Variants in PHKB observed in about 807,000 individuals in gnomAD.
The protein encoded by PHKB is phosphorylase b kinase regulatory subunit beta.
Under a neutral mutation model 152.1 loss-of-function variants are expected in PHKB, and 122 were observed. The ratio of observed to expected loss-of-function variants is 0.80; its 90% CI spans 0.69 to 0.93. PHKB has a LOEUF of 0.93. Among genes scored for constraint, PHKB ranks in the 40% least tolerant of loss-of-function variants. PHKB has a pLI of 0.00. For synonymous variants in PHKB, 436 were observed against 464.9 expected, an observed-to-expected ratio of 0.94 and a Z score of 0.80; for missense variants, 1,304 against 1,328.4, an observed-to-expected ratio of 0.98 and a Z score of 0.29.
intron 6 of PHKB, among the ~76,000 whole-genome samples, chr16:47,540,366 C>G (rs1447953948): frequency 1.3e-5 from 2 of 151,532 alleles, no homozygotes; most frequent in East Asian, 3.9e-4. Context: ...AGACCCTTAT[C>G]AGTAGTTCTG....
At chr16:47,489,467 G>A (rs866833818) in intron 1 of PHKB, among the ~76,000 whole-genome samples, 1 of 152,174 alleles carries the variant, frequency 6.6e-6, no homozygotes, top group South Asian at 2.1e-4. Context: ...TTTGCATAAA[G>A]TACAGCAAGA....
intron 30 of PHKB, 108 bp downstream of exon 30, chr16:47,698,696 C>T (rs1235541085): frequency 9.8e-7 from 1 of 1,025,278 alleles, no homozygotes; most frequent in Admixed American, 3.0e-5. Context: ...AACAGATTCA[C>T]AGGTGCAAAA....
chr16:47,693,576 A>G (rs1974100541), intron 28 of PHKB, 69 bp downstream of exon 28: 11 of 1,495,738 alleles, frequency 7.4e-6, no homozygotes, highest in South Asian at 2.3e-5. Flanking sequence ...TTCCTCTTGC[A>G]CTGCAAATAA....
At position 47,630,228 on chromosome 16, in the gene PHKB, T is replaced by C. The variant is rs543360325; in HGVS notation, c.1459-10807T>C. Among the ~76,000 whole-genome samples, 7 of 152,224 alleles carry C rather than the reference T, an allele frequency of 4.6e-5. No homozygotes were observed. The South Asian group carries it at 1.5e-3, about 32-fold the overall frequency. ...ATCAAAAAGCAGATAAGGCCTGTAA[T>C]CGTAGCACTTTGGGAGGCCGAGGTG... is the stretch of plus-strand genomic sequence containing the variant. On this transcript the variant is annotated intron_variant, in intron 14 of 30. Transcript: ENST00000323584.
intron 26 of PHKB, among the ~76,000 whole-genome samples, chr16:47,676,916 A>G (rs1223504267): frequency 1.3e-5 from 2 of 152,240 alleles, no homozygotes; most frequent in Admixed American, 1.3e-4. Context: ...GATATGTGTT[A>G]TCAAGTATTT....
chr16:47,568,110 T>G (rs1049493921), intron 7 of PHKB, among the ~76,000 whole-genome samples: 8 of 152,192 alleles, frequency 5.3e-5, no homozygotes, highest in African/African-American at 1.9e-4. Flanking sequence ...CTAGGATTGG[T>G]ACCAGTTATT....
intron 7 of PHKB, among the ~76,000 whole-genome samples, chr16:47,549,653 C>T (rs909513069): frequency 4.6e-5 from 7 of 152,062 alleles, no homozygotes; most frequent in Non-Finnish European, 1.0e-4. Context: ...CGAGATCGTG[C>T]CACTGCACTC....
At chr16:47,546,100 G>GT (rs1971159198) in intron 6 of PHKB, among the ~76,000 whole-genome samples, 1 of 152,128 alleles carries the variant, frequency 6.6e-6, no homozygotes, top group Non-Finnish European at 1.5e-5. Context: ...CTTTGAACTC[G>GT]TCAAAGTCAT....
At chr16:47,634,914 G>A (rs959943736) in intron 14 of PHKB, among the ~76,000 whole-genome samples, 1 of 152,168 alleles carries the variant, frequency 6.6e-6, no homozygotes, top group African/African-American at 2.4e-5. Context: ...ATAAGCATGT[G>A]CATGTGTGGG....
At chr16:47,581,539 T>C (rs1371804787) in intron 8 of PHKB, among the ~76,000 whole-genome samples, 2 of 152,228 alleles carry the variant, frequency 1.3e-5, no homozygotes, top group African/African-American at 4.8e-5. Flanking sequence ...TAACTAAGCC[T>C]CAGCTTCCTC....
At chr16:47,646,639 C>T (rs1597148064) in intron 16 of PHKB, among the ~76,000 whole-genome samples, 1 of 144,260 alleles carries the variant, frequency 6.9e-6, no homozygotes, top group Non-Finnish European at 1.5e-5. Context: ...AAATGCTGAA[C>T]CACAAAATAT....
At chr16:47,611,768 CTT>C (rs1972432915) in intron 14 of PHKB, among the ~76,000 whole-genome samples, 2 of 152,180 alleles carry the variant, frequency 1.3e-5, no homozygotes, top group Admixed American at 1.3e-4. Flanking sequence ...TTCTCTGACT[CTT>C]TTGCTGGTCT....
At position 47,699,469 on chromosome 16, in the gene PHKB, G is replaced by T; in HGVS notation, c.*103G>T. ...AGCCATTAATATACGAACTGAGCATGCTGGGGAGGTGAATGCCACATCCTT... is the reference window on the plus strand; with the variant it reads ...AGCCATTAATATACGAACTGAGCATTCTGGGGAGGTGAATGCCACATCCTT... On this transcript the variant is annotated 3_prime_UTR_variant, in exon 31 of 31. Coordinates refer to ENST00000323584, the MANE Select transcript of PHKB (RefSeq NM_000293.3). The T allele has an allele frequency of 7.4e-7, 1 of 1,348,896 alleles. No individual in the cohort carries two copies. Among genetic ancestry groups the T allele is most frequent in the Non-Finnish European group, 1.1e-6 (1 of 939,070 alleles). 83.6% of individuals were successfully genotyped at this position (1,348,896 alleles called of 1,614,324 possible).
intron 25 of PHKB, 122 bp from the exon 26 acceptor site, chr16:47,669,093 C>A: frequency 2.8e-6 from 2 of 713,654 alleles, no homozygotes; most frequent in Non-Finnish European, 5.0e-6. Context: ...AGTTATTCTA[C>A]CTAATTCCCT....
At chr16:47,513,097 T>C (rs773985630) in intron 5 of PHKB, among the ~76,000 whole-genome samples, 44 of 152,252 alleles carry the variant, frequency 2.9e-4, no homozygotes, top group Non-Finnish European at 5.1e-4. Context: ...TTTCAGAAGA[T>C]AATAGCTTAT....
At chr16:47,659,003 A>G (rs1973390038) in intron 20 of PHKB, among the ~76,000 whole-genome samples, 2 of 152,228 alleles carry the variant, frequency 1.3e-5, no homozygotes, top group African/African-American at 2.4e-5. Flanking sequence ...TCATTTAACT[A>G]AAGAGCAAGA....
At chr16:47,541,478 G>A (rs1441250549) in intron 6 of PHKB, among the ~76,000 whole-genome samples, 2 of 152,156 alleles carry the variant, frequency 1.3e-5, no homozygotes, top group African/African-American at 2.4e-5. Context: ...TGTCTTTATA[G>A]TAGCATGATT....
chr16:47,685,187 G>A (rs1224956722), intron 26 of PHKB, among the ~76,000 whole-genome samples: 1 of 152,288 alleles, frequency 6.6e-6, no homozygotes, highest in Admixed American at 6.5e-5. Flanking sequence ...AGCACTTTGG[G>A]AGGCCGAGGT....
chr16:47,678,630 T>G (rs1192366458), intron 26 of PHKB, among the ~76,000 whole-genome samples: 2 of 151,962 alleles, frequency 1.3e-5, no homozygotes. Flanking sequence ...TGTTTTTTTC[T>G]TGTAAATTTG....
Sources: allele counts gnomAD v4.1 joint callset (sites outside exome capture counted in the v4.1 genomes callset), GRCh38; gene constraint gnomAD v4.1.1; transcripts MANE v1.5; gene names NCBI Gene and HGNC (gene_info 2026-07-23, HGNC 2026-07-21).